The following ABCC5 variants were observed in gnomAD, a reference collection of about 807,000 sequenced individuals.
ABCC5 encodes the protein ATP-binding cassette sub-family C member 5.
Under a neutral mutation model 160.9 loss-of-function variants are expected in ABCC5, and 61 were observed. The observed-to-expected ratio is 0.38, with a 90% CI of 0.31 to 0.47. The LOEUF is 0.47. Among genes scored for constraint, ABCC5 ranks in the 20% least tolerant of loss-of-function variants. The pLI, the probability that ABCC5 is intolerant of heterozygous loss-of-function variation, is 0.99. For synonymous variants in ABCC5, 666 were observed against 700.6 expected (o/e 0.95, Z 0.78); for missense variants, 1,308 against 1,813.3 (o/e 0.72, Z 5.06).
At chr3:183,959,908 G>T in intron 16 of ABCC5, 73 bp from the exon 17 acceptor site, 1 of 1,080,636 alleles carries the variant, frequency 9.3e-7, no homozygotes. Context: ...ATACATATTA[G>T]GGAATCATCA....
At chr3:184,015,762 G>A (rs769557655) in intron 1 of ABCC5, among the ~76,000 whole-genome samples, 3 of 151,812 alleles carry the variant, frequency 2.0e-5, no homozygotes, top group Non-Finnish European at 4.4e-5. Context: ...AAGCCAGAGT[G>A]CAGCAATCAC....
rs899396922 is a variant in ABCC5, at chr3:183,921,560, A to G, written c.4213-159T>C. On this transcript the variant is annotated intron_variant, in intron 29 of 29. Coordinates refer to ENST00000334444, the MANE Select transcript of ABCC5 (RefSeq NM_005688.4). The surrounding 1 kb of genome is among the most constrained non-coding windows in gnomAD (Gnocchi z 4.1). ...CTCCCCCCTTATTTTTTTATTTTCA[A>G]CTATCCAGGGAGTAAGGGAAAGGAC... 4.0e-5 allele frequency among the ~76,000 whole-genome samples: 6 copies of G among 151,816 alleles called. No individual in the cohort carries two copies. Among genetic ancestry groups the G allele is most frequent in the Non-Finnish European group, 7.4e-5 (5 of 67,968 alleles).
intron 25 of ABCC5, among the ~76,000 whole-genome samples, chr3:183,940,741 C>T (rs1714256037): frequency 6.6e-6 from 1 of 152,114 alleles, no homozygotes; most frequent in Admixed American, 6.6e-5. Context: ...GTAAGAAAGG[C>T]AGTGAAGTCC....
intron 5 of ABCC5, chr3:183,985,459 C>T: frequency 8.3e-7 from 1 of 1,211,416 alleles, no homozygotes; most frequent in Non-Finnish European, 1.2e-6. Context: ...AAGCAAGCTG[C>T]AGGTGGAGAG....
chr3:183,993,076 C>T (rs1353709671), intron 2 of ABCC5, among the ~76,000 whole-genome samples: 1 of 152,214 alleles, frequency 6.6e-6, no homozygotes, highest in Non-Finnish European at 1.5e-5. Context: ...TAACATTTCA[C>T]TTAACTGGGG....
intron 17 of ABCC5, among the ~76,000 whole-genome samples, chr3:183,957,783 C>T (rs544321967): frequency 1.1e-3 from 166 of 151,520 alleles, no homozygotes; most frequent in African/African-American, 3.7e-3. Flanking sequence ...CACGTAAATC[C>T]GTGTGTATAT....
In ABCC5 at chr3:183,953,147, T is replaced by C. The variant is rs764595975; in HGVS notation, c.2606A>G (p.Asn869Ser). The change falls in exon 18 of 30, where the codon AAT (asparagine) becomes AGT (serine). Residue 869 changes from asparagine (N) to serine (S), a missense_variant. Transcript: ENST00000334444. ...FLVIMALFML[N>S]VGSTAFSTWW... ...GGTGCTGAAGGCGGTGCTGCCTACA[T>C]TCAGCATGAAAAGGGCCATAATAAC... 1.2e-6 allele frequency: 2 copies of C among 1,614,090 alleles called. No homozygotes were observed. The highest frequency in any genetic ancestry group is 1.1e-5 in the South Asian group (1 of 91,082).
chr3:184,002,070 A>G (rs1720785836), intron 2 of ABCC5, among the ~76,000 whole-genome samples: 1 of 152,198 alleles, frequency 6.6e-6, no homozygotes, highest in Non-Finnish European at 1.5e-5. Context: ...ATGGGGCAGG[A>G]GTAAGGTCAC....
At chr3:183,937,112 C>T (rs958847379) in intron 26 of ABCC5, among the ~76,000 whole-genome samples, 6 of 152,140 alleles carry the variant, frequency 3.9e-5, no homozygotes, top group African/African-American at 7.2e-5. Flanking sequence ...TGCAGTGGCT[C>T]GCGCCTGTAA....
chr3:183,926,795 C>A (rs898243647), intron 28 of ABCC5, among the ~76,000 whole-genome samples: 2 of 152,078 alleles, frequency 1.3e-5, no homozygotes, highest in African/African-American at 4.8e-5. Flanking sequence ...GCCTGTAATC[C>A]CAGCACTTTG....
intron 26 of ABCC5, among the ~76,000 whole-genome samples, chr3:183,929,494 A>G (rs2108762737): frequency 6.6e-6 from 1 of 152,082 alleles, no homozygotes; most frequent in African/African-American, 2.4e-5. Context: ...TTAGAAATGC[A>G]CCCTCTTTCT....
chr3:183,979,379 C>T (rs2108849046), intron 8 of ABCC5, among the ~76,000 whole-genome samples: 1 of 149,902 alleles, frequency 6.7e-6, no homozygotes, highest in Non-Finnish European at 1.5e-5. Context: ...GGGGAGGGAA[C>T]TAACATTTCC....
intron 10 of ABCC5, among the ~76,000 whole-genome samples, chr3:183,974,878 A>C (rs1718078161): frequency 6.6e-6 from 1 of 152,220 alleles, no homozygotes; most frequent in Non-Finnish European, 1.5e-5. Flanking sequence ...ATGCACTTGC[A>C]GGGTAGGTGA....
At chr3:183,973,362 C>G (rs1037668654) in intron 10 of ABCC5, among the ~76,000 whole-genome samples, 1 of 151,990 alleles carries the variant, frequency 6.6e-6, no homozygotes, top group Non-Finnish European at 1.5e-5. Flanking sequence ...TCCTCTTAAG[C>G]CAGTGATCTT....
Position 183,989,356 on chromosome 3 carries a change from C to T in ABCC5, c.157G>A (p.Ala53Thr), listed in dbSNP as rs200547275. The change falls in exon 3 of 30, where the codon GCA becomes ACA. Residue 53 changes from alanine (A) to threonine (T), a missense_variant. Coordinates refer to ENST00000334444, the MANE Select transcript of ABCC5 (RefSeq NM_005688.4). ...PLECQDALETAARAEGLSLDA... is the reference protein window; with the variant it reads ...PLECQDALETTARAEGLSLDA... ...AGAGAGAGGCCCTCGGCTCGGGCTGCTGTTTCCAAGGCATCTTGGCATTCC... is the reference window on the plus strand; with the variant it reads ...AGAGAGAGGCCCTCGGCTCGGGCTGTTGTTTCCAAGGCATCTTGGCATTCC... The T allele has an allele frequency of 5.6e-5, 90 of 1,613,764 alleles. No homozygotes were observed. Among genetic ancestry groups the T allele is most frequent in the Non-Finnish European group, 5.1e-5 (60 of 1,179,916 alleles).
intron 8 of ABCC5, 129 bp downstream of exon 8, chr3:183,981,598 A>G (rs926500481): frequency 5.2e-5 from 53 of 1,027,696 alleles, no homozygotes; most frequent in Non-Finnish European, 7.1e-5. Flanking sequence ...ATTCTATGAT[A>G]TTATGTCCTA....
intron 28 of ABCC5, among the ~76,000 whole-genome samples, 190 bp downstream of exon 28, chr3:183,927,140 G>A (rs1442466080): frequency 1.3e-5 from 2 of 152,112 alleles, no homozygotes; most frequent in East Asian, 1.9e-4. Flanking sequence ...TAAAAACAAA[G>A]CAACCCTGTT....
chr3:183,922,941 G>A (rs925145588), intron 29 of ABCC5, among the ~76,000 whole-genome samples: 1 of 152,034 alleles, frequency 6.6e-6, no homozygotes, highest in Non-Finnish European at 1.5e-5. Flanking sequence ...CTGCTGAGCT[G>A]CACAAAAACC....
At chr3:183,995,212 G>A (rs1720168308) in intron 2 of ABCC5, among the ~76,000 whole-genome samples, 1 of 151,786 alleles carries the variant, frequency 6.6e-6, no homozygotes, top group Non-Finnish European at 1.5e-5. Flanking sequence ...CATATGATTT[G>A]CAAATATTTT....
Sources: allele counts gnomAD v4.1 joint callset (sites outside exome capture counted in the v4.1 genomes callset), GRCh38; gene constraint gnomAD v4.1.1; non-coding constraint Gnocchi (gnomAD v3.1); transcripts MANE v1.5; gene names NCBI Gene and HGNC (gene_info 2026-07-23, HGNC 2026-07-21).